Variants in SDF2 observed in about 807,000 individuals in gnomAD.
SDF2 encodes stromal cell-derived factor 2.
Under a neutral mutation model 20.5 loss-of-function variants are expected in SDF2, and 12 were observed. The ratio of observed to expected loss-of-function variants is 0.58; its 90% CI spans 0.37 to 0.95. SDF2 has a LOEUF of 0.95. Among genes scored for constraint, SDF2 ranks in the 40% least tolerant of loss-of-function variants. The probability of loss-of-function intolerance (pLI) is 0.01; values close to 1 mark genes in which losing one functional copy is unlikely to be tolerated. For synonymous variants in SDF2, 100 were observed against 101.0 expected (o/e 0.99, Z 0.06); for missense variants, 238 against 263.1 (o/e 0.90, Z 0.66).
In SDF2 at chr17:28,649,025, C is replaced by T. The variant is rs1007039037; in HGVS notation, c.600G>A (p.Glu200=). 3.7e-6 allele frequency: 6 copies of T among 1,614,128 alleles called. No individual in the cohort carries two copies. The highest frequency in any genetic ancestry group is 1.3e-5 in the African/African-American group (1 of 74,946). ...CATGGTGGGCTTCTGCCTTCAACAA[C>T]TCACTGGGCTTCATGAAGATGCCTT... ...AMEGIFMKPS[E]LLKAEAHHAE... is the part of the protein sequence containing the mutation. The change falls in exon 3 of 3, where the codon GAG becomes GAA. Residue 200 remains glutamate, a synonymous_variant. Coordinates refer to ENST00000247020, the MANE Select transcript of SDF2 (RefSeq NM_006923.4).
chr17:28,656,065 T>C (rs1470502904), intron 1 of SDF2: 1 of 151,882 alleles, frequency 6.6e-6, no homozygotes, highest in Non-Finnish European at 1.5e-5. Context: ...ATGGCCAATA[T>C]TGTGCCGTGT....
At chr17:28,649,393 T>A in intron 2 of SDF2, 117 bp from the exon 3 acceptor site, 1 of 933,988 alleles carries the variant, frequency 1.1e-6, no homozygotes, top group Non-Finnish European at 1.6e-6. Flanking sequence ...GGGGCCAGGC[T>A]TATGCCTGTA....
At chr17:28,660,002 G>T (rs2072008408) in intron 1 of SDF2, among the ~76,000 whole-genome samples, 1 of 152,240 alleles carries the variant, frequency 6.6e-6, no homozygotes, top group Non-Finnish European at 1.5e-5. Context: ...ACCTCGGGAG[G>T]CTGAGGCAGG....
At position 28,648,668 on chromosome 17, in the gene SDF2, C is replaced by A; in HGVS notation, c.*321G>T. The A allele has an allele frequency of 2.8e-6, 1 of 359,336 alleles. No homozygotes were observed. Among genetic ancestry groups the A allele is most frequent in the Non-Finnish European group, 5.1e-6 (1 of 195,078 alleles). The allele number at this position is 359,336 out of a possible 1,614,324, so 22.3% of individuals were successfully genotyped here. Reference sequence around the variant, plus strand: ...CACATACATTAACAGTCCATGATGCCAAGCTCCTGAAGAGTAAAAGTTTCC... The same window carrying A: ...CACATACATTAACAGTCCATGATGCAAAGCTCCTGAAGAGTAAAAGTTTCC... On this transcript the variant is annotated 3_prime_UTR_variant, in exon 3 of 3. Transcript: ENST00000247020.
chr17:28,657,382 A>G (rs531577712), intron 1 of SDF2, among the ~76,000 whole-genome samples: 26 of 152,162 alleles, frequency 1.7e-4, no homozygotes, highest in Admixed American at 1.6e-3. Flanking sequence ...TGCAGTCTCT[A>G]AACGTACATA....
intron 1 of SDF2, 186 bp from the exon 2 acceptor site, chr17:28,655,669 C>T (rs1318853333): frequency 1.6e-6 from 1 of 619,472 alleles, no homozygotes. Context: ...CCGCCCTCAG[C>T]CATGATGGCC....
intron 2 of SDF2, among the ~76,000 whole-genome samples, chr17:28,649,790 T>C (rs1368035460): frequency 6.7e-6 from 1 of 149,160 alleles, no homozygotes; most frequent in East Asian, 2.0e-4. Flanking sequence ...GGCACATGCC[T>C]ATGGTACCCA....
intron 1 of SDF2, chr17:28,661,277 G>A (rs146375375): frequency 2.2e-4 from 93 of 417,964 alleles, no homozygotes; most frequent in African/African-American, 1.5e-3. Context: ...AAGTTTCACA[G>A]ACAGTACTTA....
rs1257809961 is a variant in SDF2, at chr17:28,655,444, T to G, written c.191A>C (p.Asp64Ala). The G allele has an allele frequency of 6.2e-7, 1 of 1,613,694 alleles. No homozygotes were observed. Among genetic ancestry groups the G allele is most frequent in the Admixed American group, 1.7e-5 (1 of 59,944 alleles). The part of the protein sequence containing the change: ...QQSVTGVTSV[D>A]DSNSYWRIRG... Reference sequence around the variant, plus strand: ...TATCCTCCAGTAACTGTTGCTGTCATCCACAGAGGTTACACCTGTCACTGA... The same window carrying G: ...TATCCTCCAGTAACTGTTGCTGTCAGCCACAGAGGTTACACCTGTCACTGA... Residue 64 changes from aspartate (D) to alanine (A), a missense_variant, in exon 2 of 3, where the codon GAT (aspartate) becomes GCT (alanine). By Grantham distance (126) the Asp-to-Ala change is moderately radical (BLOSUM62 -2). Transcript: ENST00000247020.
chr17:28,658,253 T>G (rs2071984427), intron 1 of SDF2, among the ~76,000 whole-genome samples: 1 of 138,672 alleles, frequency 7.2e-6, no homozygotes, highest in Admixed American at 7.2e-5. Flanking sequence ...CTACCTGTAG[T>G]TTTTTTTTTT....
chr17:28,659,815 C>T (rs1031952192), intron 1 of SDF2, among the ~76,000 whole-genome samples: 15 of 150,336 alleles, frequency 1.0e-4, no homozygotes, highest in South Asian at 2.1e-4. Flanking sequence ...CAGGCAGAGA[C>T]GCTCCTCACT....
At chr17:28,650,803 C>CA (rs57928087) in intron 2 of SDF2, among the ~76,000 whole-genome samples, 4,580 of 18,900 alleles carry the variant, frequency 0.24, 999 homozygotes, top group Non-Finnish European at 0.34. Flanking sequence ...GACTTTGTCT[C>CA]AAAAAAAAAA....
intron 2 of SDF2, among the ~76,000 whole-genome samples, chr17:28,649,893 C>T (rs1358882250): frequency 1.4e-5 from 2 of 140,290 alleles, no homozygotes; most frequent in Non-Finnish European, 3.0e-5. Flanking sequence ...AGAGCAAGAC[C>T]CCATCTCAAA....
chr17:28,650,470 TTC>T (rs1208033283), intron 2 of SDF2, among the ~76,000 whole-genome samples: 4 of 152,102 alleles, frequency 2.6e-5, no homozygotes, highest in Admixed American at 2.6e-4. Context: ...AAAACAGAAT[TTC>T]TTTTTTTTTT....
Position 28,649,069 on chromosome 17 carries a change from T to G in SDF2, c.556A>C (p.Asn186His). 6.2e-7 allele frequency: 1 copy of G among 1,614,256 alleles called. No individual in the cohort carries two copies. Among genetic ancestry groups the G allele is most frequent in the Non-Finnish European group, 8.5e-7 (1 of 1,180,040 alleles). Residue 186 changes from asparagine (N) to histidine (H), a missense_variant, in exon 3 of 3, where the codon AAC (asparagine) becomes CAC (histidine). By Grantham distance (68) the Asn-to-His change is moderately conservative. Transcript: ENST00000247020. ...ATGCCTTCCATGGCTTTCCAGTAGT[T>G]GTTCTGACTTGGCTGGGCCATGCCA... ...VHGMAQPSQN[N>H]YWKAMEGIFM...
At position 28,649,425 on chromosome 17, in the gene SDF2, G is replaced by A. The variant is rs192736969; in HGVS notation, c.349-149C>T. 8.8e-3 allele frequency: 6,264 copies of A among 708,156 alleles called. 42 individuals are homozygous for A. Among genetic ancestry groups the A allele is most frequent in the Non-Finnish European group, 0.012 (5,213 of 429,444 alleles). 43.9% of individuals were successfully genotyped at this position (708,156 alleles called of 1,614,324 possible). Reference sequence around the variant, plus strand: ...TGTAATCCTACCACTTTGGGAAGCTGAGCAGGGCAGATCACTTGAGCCCAA... The same window carrying A: ...TGTAATCCTACCACTTTGGGAAGCTAAGCAGGGCAGATCACTTGAGCCCAA... On this transcript the variant is annotated intron_variant, in intron 2 of 2. Coordinates refer to ENST00000247020, the MANE Select transcript of SDF2 (RefSeq NM_006923.4).
intron 1 of SDF2, chr17:28,660,933 G>T: frequency 6.2e-6 from 1 of 161,236 alleles, no homozygotes; most frequent in Non-Finnish European, 1.4e-5. Context: ...TTTTTAGTCT[G>T]TTTTTATTAT....
intron 1 of SDF2, 83 bp downstream of exon 1, chr17:28,661,643 C>T: frequency 6.8e-7 from 1 of 1,464,106 alleles, no homozygotes; most frequent in Non-Finnish European, 9.3e-7. Flanking sequence ...TCCCAGACCA[C>T]ACTGTCAGAT....
Position 28,652,061 on chromosome 17 carries a change from CT to C in SDF2, c.349-2786del, listed in dbSNP as rs1220079465. On this transcript the variant is annotated intron_variant, in intron 2 of 2. Coordinates refer to ENST00000247020, the MANE Select transcript of SDF2 (RefSeq NM_006923.4). ...TGGGGCATGCCTGTATCCCCAGCTA[CT>C]TGGAAGGCTGACGCAAGAGGACTGC... 2.6e-5 allele frequency among the ~76,000 whole-genome samples: 4 copies of C among 152,190 alleles called. No individual in the cohort carries two copies. In the East Asian group the frequency reaches 7.7e-4, roughly 29 times the overall value.
Sources: gnomAD v4.1 joint callset for allele counts (sites outside exome capture counted in the v4.1 genomes callset) on GRCh38, gnomAD v4.1.1 for gene constraint, MANE v1.5 for transcripts, NCBI Gene and HGNC (gene_info 2026-07-23, HGNC 2026-07-21) for gene names.